Variants in PPP2R5E observed in about 807,000 individuals in gnomAD.
The protein encoded by PPP2R5E is serine/threonine-protein phosphatase 2A 56 kDa regulatory subunit epsilon isoform.
In PPP2R5E, 4 loss-of-function variants were observed where a neutral mutation model predicts 65.3. The ratio of observed to expected loss-of-function variants is 0.06; its 90% CI spans 0.03 to 0.14. The LOEUF (loss-of-function observed/expected upper bound fraction) is 0.14. Among genes scored for constraint, PPP2R5E ranks in the 10% least tolerant of loss-of-function variants. PPP2R5E has a pLI of 1.00. For synonymous variants in PPP2R5E, 183 were observed against 187.4 expected (o/e 0.98, Z 0.19); for missense variants, 274 against 556.1 (o/e 0.49, Z 5.10).
chr14:63,448,160 G>A (rs1193335675), intron 3 of PPP2R5E, among the ~76,000 whole-genome samples: 2 of 152,028 alleles, frequency 1.3e-5, no homozygotes, highest in Admixed American at 1.3e-4. Flanking sequence ...AGCCAGGCGT[G>A]GTGGCGGGCG....
intron 5 of PPP2R5E, among the ~76,000 whole-genome samples, chr14:63,406,171 G>C (rs867093937): frequency 6.6e-6 from 1 of 152,120 alleles, no homozygotes; most frequent in Non-Finnish European, 1.5e-5. Flanking sequence ...CAGCACTTTG[G>C]GAGGCCGAGG....
At chr14:63,466,733 A>G (rs1359913855) in intron 2 of PPP2R5E, among the ~76,000 whole-genome samples, 1 of 152,188 alleles carries the variant, frequency 6.6e-6, no homozygotes. Flanking sequence ...AAAGACGGAG[A>G]AACTTACAAG....
Position 63,374,634 on chromosome 14 carries a change from G to T in PPP2R5E, c.*1375C>A, listed in dbSNP as rs1351170060. The T allele has an allele frequency of 4.6e-5, 5 of 109,576 alleles. No individual in the cohort carries two copies. Among genetic ancestry groups the T allele is most frequent in the African/African-American group, 1.9e-4 (4 of 20,676 alleles). 6.8% of individuals were successfully genotyped at this position (109,576 alleles called of 1,614,324 possible). ...TAAATACAAAGCAGAGAGCCAATAA[G>T]ATATATATATATATATATATATATA... On this transcript the variant is annotated 3_prime_UTR_variant, in exon 14 of 14. Coordinates refer to ENST00000337537, the MANE Select transcript of PPP2R5E (RefSeq NM_006246.5).
At chr14:63,385,042 G>C (rs894892254) in intron 11 of PPP2R5E, among the ~76,000 whole-genome samples, 1 of 151,570 alleles carries the variant, frequency 6.6e-6, no homozygotes, top group African/African-American at 2.4e-5. Flanking sequence ...AAATTCCAAA[G>C]TGGGCCAGGC....
At chr14:63,390,797 T>A (rs1298282110) in intron 10 of PPP2R5E, among the ~76,000 whole-genome samples, 2 of 152,230 alleles carry the variant, frequency 1.3e-5, no homozygotes, top group Non-Finnish European at 2.9e-5. Flanking sequence ...GCTGATCTTT[T>A]TTTCTGAGCC....
chr14:63,430,381 A>ACATACATACATACATGCATG (rs1566696520), intron 3 of PPP2R5E, among the ~76,000 whole-genome samples: 15 of 133,034 alleles, frequency 1.1e-4, no homozygotes, highest in African/African-American at 5.4e-4. Context: ...ATGCATGCAT[A>ACATACATACATACATGCATG]CATACATACA....
At chr14:63,443,201 G>A (rs540101027) in intron 3 of PPP2R5E, among the ~76,000 whole-genome samples, 36 of 152,092 alleles carry the variant, frequency 2.4e-4, no homozygotes, top group Non-Finnish European at 4.9e-4. Flanking sequence ...AAGAAACAAC[G>A]TAACGAACTC....
chr14:63,439,363 T>G (rs927653915), intron 3 of PPP2R5E, among the ~76,000 whole-genome samples: 29 of 151,946 alleles, frequency 1.9e-4, no homozygotes, highest in South Asian at 4.2e-4. Flanking sequence ...TGTTTTTTTT[T>G]TTTGTTTTTG....
intron 2 of PPP2R5E, among the ~76,000 whole-genome samples, chr14:63,502,067 G>C (rs952310393): frequency 6.6e-6 from 1 of 152,034 alleles, no homozygotes; most frequent in Non-Finnish European, 1.5e-5. Flanking sequence ...GCTAATTTTT[G>C]TATTTTTAGT....
chr14:63,487,353 A>G (rs1566738387), intron 2 of PPP2R5E, among the ~76,000 whole-genome samples: 3 of 150,704 alleles, frequency 2.0e-5, no homozygotes, highest in Non-Finnish European at 3.0e-5. Flanking sequence ...ATAATTTACC[A>G]CCCCCCCCTC....
chr14:63,407,044 G>A (rs1227318652), intron 5 of PPP2R5E, among the ~76,000 whole-genome samples: 1 of 152,208 alleles, frequency 6.6e-6, no homozygotes, highest in Non-Finnish European at 1.5e-5. Context: ...AACGTTTACT[G>A]AATATGAACC....
At chr14:63,387,442 G>A (rs1042936669) in intron 11 of PPP2R5E, among the ~76,000 whole-genome samples, 1 of 152,172 alleles carries the variant, frequency 6.6e-6, no homozygotes, top group African/African-American at 2.4e-5. Context: ...TGCACACACA[G>A]AGGCAGTGTC....
At chr14:63,482,798 T>C (rs1890780052) in intron 2 of PPP2R5E, among the ~76,000 whole-genome samples, 1 of 152,188 alleles carries the variant, frequency 6.6e-6, no homozygotes, top group Admixed American at 6.5e-5. Context: ...AATAACCTGT[T>C]CATCATCAGT....
intron 2 of PPP2R5E, among the ~76,000 whole-genome samples, chr14:63,536,191 G>T (rs1318080903): frequency 1.3e-5 from 2 of 152,160 alleles, no homozygotes; most frequent in Admixed American, 6.6e-5. Flanking sequence ...TTGGAAAGCA[G>T]AGTTCTTGGA....
chr14:63,444,058 C>T (rs1250113089), intron 3 of PPP2R5E, among the ~76,000 whole-genome samples: 1 of 152,214 alleles, frequency 6.6e-6, no homozygotes, highest in East Asian at 1.9e-4. Flanking sequence ...CACTCCGCCA[C>T]ACAGAACCTT....
intron 2 of PPP2R5E, among the ~76,000 whole-genome samples, chr14:63,476,251 T>G (rs2139576923): frequency 6.6e-6 from 1 of 152,208 alleles, no homozygotes; most frequent in East Asian, 1.9e-4. Context: ...TTTCCCCCCC[T>G]TTTGCTTTTT....
At chr14:63,499,431 T>C (rs530176729) in intron 2 of PPP2R5E, among the ~76,000 whole-genome samples, 7 of 152,230 alleles carry the variant, frequency 4.6e-5, no homozygotes, top group Admixed American at 1.3e-4. Flanking sequence ...ATCTTGTTAT[T>C]ATGAGAAATA....
chr14:63,425,444 T>C (rs1887280259), intron 3 of PPP2R5E, among the ~76,000 whole-genome samples: 1 of 152,238 alleles, frequency 6.6e-6, no homozygotes, highest in South Asian at 2.1e-4. Context: ...GAGTCATTTA[T>C]ACGTACTACA....
At chr14:63,513,757 G>A (rs1284573973) in intron 2 of PPP2R5E, among the ~76,000 whole-genome samples, 1 of 152,186 alleles carries the variant, frequency 6.6e-6, no homozygotes, top group Non-Finnish European at 1.5e-5. Context: ...AAACTACACA[G>A]AAGACCAGAG....
Sources: allele counts gnomAD v4.1 joint callset (sites outside exome capture counted in the v4.1 genomes callset), GRCh38; gene constraint gnomAD v4.1.1; transcripts MANE v1.5; gene names NCBI Gene and HGNC (gene_info 2026-07-23, HGNC 2026-07-21).